The following KLHL1 variants were observed in gnomAD, a reference collection of about 807,000 sequenced individuals.
The protein encoded by KLHL1 is kelch-like protein 1.
In KLHL1, 47 loss-of-function variants were observed where a neutral mutation model predicts 77.7. The ratio of observed to expected loss-of-function variants is 0.60; its 90% CI spans 0.48 to 0.77. The LOEUF (loss-of-function observed/expected upper bound fraction) is 0.77. KLHL1 is among the 30% of genes least tolerant of loss of function. KLHL1 has a pLI of 0.00. For missense variants in KLHL1, 925 were observed against 910.8 expected (o/e 1.02, Z -0.20); for synonymous variants, 360 against 325.2 (o/e 1.11, Z -1.15).
At chr13:69,771,844 C>T (rs375105269) in intron 7 of KLHL1, among the ~76,000 whole-genome samples, 16 of 152,118 alleles carry the variant, frequency 1.1e-4, no homozygotes, top group South Asian at 6.2e-4. Context: ...GGAAGACATG[C>T]GAATCAAAAT....
chr13:70,043,507 T>A (rs1824510573), intron 1 of KLHL1, among the ~76,000 whole-genome samples: 1 of 152,194 alleles, frequency 6.6e-6, no homozygotes, highest in African/African-American at 2.4e-5. Context: ...ATTCGCTCAC[T>A]ACTTACTCAT....
chr13:69,855,341 TAGATAG>T (rs1566329590), intron 5 of KLHL1, among the ~76,000 whole-genome samples: 16 of 60,088 alleles, frequency 2.7e-4, no homozygotes, highest in Middle Eastern at 7.8e-3. Context: ...GATAGATAGA[TAGATAG>T]ACAGACAGAT....
At chr13:69,857,726 C>G (rs1319128168) in intron 5 of KLHL1, among the ~76,000 whole-genome samples, 1 of 151,758 alleles carries the variant, frequency 6.6e-6, no homozygotes, top group African/African-American at 2.4e-5. Context: ...ACTAACTATG[C>G]AGTAGAAAAA....
At position 69,719,428 on chromosome 13, in the gene KLHL1, T is replaced by C. The variant is rs914755690; in HGVS notation, c.1956A>G (p.Val652=). 2 of 1,613,620 alleles carry C rather than the reference T, an allele frequency of 1.2e-6. No homozygotes were observed. The highest frequency in any genetic ancestry group is 2.2e-5 in the East Asian group (1 of 44,840). Residue 652 remains valine (V), a synonymous_variant, in exon 9 of 11, where the codon GTA becomes GTG. Coordinates refer to ENST00000377844, the MANE Select transcript of KLHL1 (RefSeq NM_020866.3). The part of the protein sequence containing the change: ...VATCDGFLYA[V]GGHDAPASNH... The stretch of plus-strand genomic sequence containing the variant: ...TTGAAGCAGGAGCATCATGACCTCC[T>C]ACTGCATAAAGAAAACCGTCACATG...
At chr13:69,806,157 T>G (rs914735111) in intron 6 of KLHL1, among the ~76,000 whole-genome samples, 2 of 152,172 alleles carry the variant, frequency 1.3e-5, no homozygotes, top group Admixed American at 1.3e-4. Context: ...AATTTGTTAT[T>G]CTTTTGAGAA....
intron 2 of KLHL1, among the ~76,000 whole-genome samples, chr13:69,973,320 T>C (rs1287519572): frequency 6.6e-6 from 1 of 151,726 alleles, no homozygotes; most frequent in Non-Finnish European, 1.5e-5. Context: ...AAAATAAAAT[T>C]TATTTGACAG....
intron 10 of KLHL1, among the ~76,000 whole-genome samples, chr13:69,707,424 C>A (rs900843587): frequency 6.6e-6 from 1 of 151,894 alleles, no homozygotes; most frequent in Non-Finnish European, 1.5e-5. Flanking sequence ...TTTTAATATA[C>A]ATTTTATTGG....
intron 4 of KLHL1, among the ~76,000 whole-genome samples, chr13:69,921,921 ATTTT>A (rs1197300551): frequency 1.6e-5 from 2 of 122,636 alleles, no homozygotes; most frequent in African/African-American, 3.1e-5. Flanking sequence ...TGAATGATTG[ATTTT>A]TTTTTTTTTT....
intron 3 of KLHL1, among the ~76,000 whole-genome samples, chr13:69,942,399 C>T (rs1053947163): frequency 6.6e-6 from 1 of 151,850 alleles, no homozygotes; most frequent in Admixed American, 6.6e-5. Flanking sequence ...TATATTATTG[C>T]CAGTTTGTGT....
At chr13:70,012,350 T>C (rs934252413) in intron 1 of KLHL1, among the ~76,000 whole-genome samples, 16 of 152,158 alleles carry the variant, frequency 1.1e-4, no homozygotes, top group African/African-American at 3.9e-4. Flanking sequence ...AGAAATTGTA[T>C]TTACCTATAT....
At chr13:70,022,685 T>C (rs1885835720) in intron 1 of KLHL1, among the ~76,000 whole-genome samples, 1 of 151,928 alleles carries the variant, frequency 6.6e-6, no homozygotes, top group Non-Finnish European at 1.5e-5. Context: ...TGGAAATCAG[T>C]GGGCTACACG....
intron 5 of KLHL1, among the ~76,000 whole-genome samples, chr13:69,861,651 CAAG>C (rs1054179943): frequency 3.3e-5 from 5 of 151,374 alleles, no homozygotes; most frequent in Non-Finnish European, 7.4e-5. Context: ...TCCTCAAAGA[CAAG>C]AAAAATAAAA....
chr13:70,006,480 A>G (rs929594939), intron 1 of KLHL1, among the ~76,000 whole-genome samples: 11 of 137,218 alleles, frequency 8.0e-5, no homozygotes, highest in African/African-American at 2.2e-4. Flanking sequence ...TACTCAGTAC[A>G]TTCGAAAGTA....
At chr13:69,983,817 A>G (rs1016548276) in intron 1 of KLHL1, among the ~76,000 whole-genome samples, 2 of 152,070 alleles carry the variant, frequency 1.3e-5, no homozygotes, top group African/African-American at 4.8e-5. Context: ...ATTAACCAAA[A>G]TAGCATGGCA....
At chr13:69,969,086 T>C (rs1478901830) in intron 2 of KLHL1, among the ~76,000 whole-genome samples, 4 of 152,128 alleles carry the variant, frequency 2.6e-5, no homozygotes, top group African/African-American at 9.7e-5. Flanking sequence ...TTTGAAGTTT[T>C]ATCTGCTATG....
chr13:69,905,910 T>G (rs1285517245), intron 4 of KLHL1, among the ~76,000 whole-genome samples: 1 of 151,978 alleles, frequency 6.6e-6, no homozygotes, highest in East Asian at 1.9e-4. Flanking sequence ...GTTTCGAAAA[T>G]GTACACATGA....
At chr13:70,099,662 T>C (rs1403299837) in intron 1 of KLHL1, among the ~76,000 whole-genome samples, 1 of 152,018 alleles carries the variant, frequency 6.6e-6, no homozygotes, top group Non-Finnish European at 1.5e-5. Flanking sequence ...TAATAAACAT[T>C]AAAAAGAAAT....
intron 4 of KLHL1, among the ~76,000 whole-genome samples, chr13:69,923,720 GC>G (rs1272072235): frequency 2.6e-5 from 4 of 152,200 alleles, no homozygotes; most frequent in African/African-American, 7.2e-5. Flanking sequence ...TCCATCTAGA[GC>G]AGCTGCTGCG....
rs1490101762 is a variant in KLHL1 at position 69,985,739 on chromosome 13, T to C, written c.498-9937A>G. The stretch of plus-strand genomic sequence containing the variant: ...CAAAATTGCTAATCAGCCTAAGTGT[T>C]CATCAAAGGCTAAATGGATAAACAA... On this transcript the variant is annotated intron_variant, in intron 1 of 10. Coordinates refer to ENST00000377844, the MANE Select transcript of KLHL1 (RefSeq NM_020866.3). Among the ~76,000 whole-genome samples, 7 of 148,432 alleles carry C rather than the reference T, an allele frequency of 4.7e-5. No homozygotes were observed. In the South Asian group the frequency reaches 1.5e-3, roughly 31 times the overall value.
Sources: allele counts gnomAD v4.1 joint callset (sites outside exome capture counted in the v4.1 genomes callset), GRCh38; gene constraint gnomAD v4.1.1; transcripts MANE v1.5; gene names NCBI Gene and HGNC (gene_info 2026-07-23, HGNC 2026-07-21).